Variants in RPS6KA5 observed in about 807,000 individuals in gnomAD.
RPS6KA5 encodes ribosomal protein S6 kinase alpha-5.
Under a neutral mutation model 85.5 loss-of-function variants are expected in RPS6KA5, and 27 were observed. The observed-to-expected ratio is 0.32, with a 90% CI of 0.23 to 0.44. RPS6KA5 has a LOEUF of 0.44. Among genes scored for constraint, RPS6KA5 ranks in the 20% least tolerant of loss-of-function variants. The pLI is 1.00. For missense variants in RPS6KA5, 811 were observed against 980.9 expected (o/e 0.83, Z 2.31); for synonymous variants, 334 against 348.2 (o/e 0.96, Z 0.46).
At chr14:90,954,202 A>G (rs1158851228) in intron 3 of RPS6KA5, among the ~76,000 whole-genome samples, 4 of 152,170 alleles carry the variant, frequency 2.6e-5, no homozygotes, top group African/African-American at 9.7e-5. Context: ...AATATTGGGG[A>G]CAGGTTCCCC....
At chr14:90,910,714 C>A (rs761497011) in intron 7 of RPS6KA5, among the ~76,000 whole-genome samples, 1 of 149,332 alleles carries the variant, frequency 6.7e-6, no homozygotes, top group Non-Finnish European at 1.5e-5. Flanking sequence ...GAGACAGAGT[C>A]TGGCTCTGTC....
chr14:90,953,606 C>A (rs1339839077), intron 3 of RPS6KA5, among the ~76,000 whole-genome samples: 2 of 152,132 alleles, frequency 1.3e-5, no homozygotes, highest in African/African-American at 4.8e-5. Context: ...CAAGTAGGGA[C>A]AATATCGCTA....
chr14:91,018,299 A>C (rs2041592075), intron 1 of RPS6KA5, among the ~76,000 whole-genome samples: 1 of 152,210 alleles, frequency 6.6e-6, no homozygotes, highest in African/African-American at 2.4e-5. Context: ...TGTACTAATC[A>C]AGTCTTTGTT....
At chr14:90,918,608 G>A (rs576085183) in intron 7 of RPS6KA5, among the ~76,000 whole-genome samples, 23 of 152,316 alleles carry the variant, frequency 1.5e-4, no homozygotes, top group African/African-American at 5.1e-4. Context: ...GCTCACAACG[G>A]TCTTCCTTTA....
At chr14:90,905,562 T>C (rs1279098602) in intron 8 of RPS6KA5, among the ~76,000 whole-genome samples, 2 of 152,210 alleles carry the variant, frequency 1.3e-5, no homozygotes, top group Admixed American at 1.3e-4. Context: ...TGAGCAGATA[T>C]AGTTGGTCCT....
At chr14:90,954,229 T>C (rs527580033) in intron 3 of RPS6KA5, among the ~76,000 whole-genome samples, 4 of 152,360 alleles carry the variant, frequency 2.6e-5, no homozygotes, top group Admixed American at 1.3e-4. Flanking sequence ...TCTTGTGATG[T>C]TTTTATCTGC....
rs971908323 is a variant in RPS6KA5 at position 91,016,880 on chromosome 14, A to C, written c.104-15721T>G. ...CTCTAAACAGGCAAAAAAAAAAAAA[A>C]AAAACTGAAGGTATTTGTATTCTCC... On this transcript the variant is annotated intron_variant, in intron 1 of 16. Transcript: ENST00000614987. Among the ~76,000 whole-genome samples the C allele has an allele frequency of 5.8e-4, 88 of 152,228 alleles. 1 individual carries two copies. The highest frequency in any genetic ancestry group is 3.5e-3 in the East Asian group (18 of 5,190).
intron 1 of RPS6KA5, among the ~76,000 whole-genome samples, chr14:91,031,640 T>TA (rs1236572151): frequency 6.6e-6 from 1 of 152,026 alleles, no homozygotes; most frequent in Non-Finnish European, 1.5e-5. Flanking sequence ...TAGAAACACT[T>TA]AGAGACTCAA....
At chr14:90,872,737 G>A (rs546434942) in intron 16 of RPS6KA5, among the ~76,000 whole-genome samples, 38 of 152,238 alleles carry the variant, frequency 2.5e-4, no homozygotes, top group African/African-American at 8.4e-4. Context: ...CGCATTCTGA[G>A]TCTTTGCTCT....
At position 90,857,662 on chromosome 14, in the gene RPS6KA5, T is replaced by C. The variant is rs2032350763; in HGVS notation, c.*14412A>G. On this transcript the variant is annotated 3_prime_UTR_variant, in exon 17 of 17. Coordinates refer to ENST00000614987, the MANE Select transcript of RPS6KA5 (RefSeq NM_004755.4). ...CTGCATTAAGCTCTACAGAGTTTTTTCAAAAGGCTAAAAATATTTATATAA... is the reference window on the plus strand; with the variant it reads ...CTGCATTAAGCTCTACAGAGTTTTTCCAAAAGGCTAAAAATATTTATATAA... 1 of 152,202 alleles carries C rather than the reference T, an allele frequency of 6.6e-6. No homozygotes were observed. Among genetic ancestry groups the C allele is most frequent in the Admixed American group, 6.5e-5 (1 of 15,288 alleles). 9.4% of individuals were successfully genotyped at this position (152,202 alleles called of 1,614,324 possible).
chr14:90,890,682 C>T lies in RPS6KA5; in HGVS notation c.1645-4G>A, dbSNP rs1487496535. ...TTTCATCGGTGAACAATAAATTCTGCAAGATATCAATGCTTACATTAGTTT... is the reference window on the plus strand; with the variant it reads ...TTTCATCGGTGAACAATAAATTCTGTAAGATATCAATGCTTACATTAGTTT... On this transcript the variant is annotated splice_region_variant and splice_polypyrimidine_tract_variant and intron_variant, in intron 13 of 16. Transcript: ENST00000614987. 6 of 1,609,710 alleles carry T rather than the reference C, an allele frequency of 3.7e-6. No individual in the cohort carries two copies. The highest frequency in any genetic ancestry group is 5.1e-6 in the Non-Finnish European group (6 of 1,176,830).
intron 1 of RPS6KA5, among the ~76,000 whole-genome samples, chr14:91,036,258 C>G (rs996990788): frequency 1.3e-5 from 2 of 152,178 alleles, no homozygotes; most frequent in African/African-American, 4.8e-5. Context: ...GAAAGACAAG[C>G]TAACTAAGGC....
At chr14:90,879,804 T>C (rs542431995) in intron 14 of RPS6KA5, among the ~76,000 whole-genome samples, 5 of 146,118 alleles carry the variant, frequency 3.4e-5, no homozygotes, top group African/African-American at 1.0e-4. Flanking sequence ...TTTTTTTGAG[T>C]TGGAGTCTCG....
chr14:90,878,722 C>T (rs752433234), intron 14 of RPS6KA5, among the ~76,000 whole-genome samples: 1 of 152,214 alleles, frequency 6.6e-6, no homozygotes, highest in Non-Finnish European at 1.5e-5. Context: ...AGACAACCTA[C>T]TGTACCTTGC....
At chr14:91,002,654 T>C (rs138361736) in intron 1 of RPS6KA5, among the ~76,000 whole-genome samples, 17 of 152,286 alleles carry the variant, frequency 1.1e-4, no homozygotes, top group African/African-American at 3.4e-4. Context: ...TTTTTAAAAA[T>C]TGTGGTCAAA....
At chr14:90,994,922 T>C (rs541828077) in intron 2 of RPS6KA5, among the ~76,000 whole-genome samples, 30 of 152,290 alleles carry the variant, frequency 2.0e-4, no homozygotes, top group Admixed American at 1.8e-3. Context: ...CTTTCTTTGC[T>C]ATTTCCTTAA....
intron 1 of RPS6KA5, among the ~76,000 whole-genome samples, chr14:91,026,026 C>A (rs1355195804): frequency 6.6e-6 from 1 of 152,020 alleles, no homozygotes. Flanking sequence ...TCTATTGTTC[C>A]CACCTTTATG....
intron 16 of RPS6KA5, 122 bp from the exon 17 acceptor site, chr14:90,872,444 G>T: frequency 7.9e-7 from 1 of 1,266,128 alleles, no homozygotes; most frequent in Non-Finnish European, 1.1e-6. Context: ...TGTTTTAAGG[G>T]AACAAAGCTC....
At chr14:91,049,315 G>GA (rs2042979268) in intron 1 of RPS6KA5, among the ~76,000 whole-genome samples, 1 of 152,026 alleles carries the variant, frequency 6.6e-6, no homozygotes, top group African/African-American at 2.4e-5. Flanking sequence ...AGGAAAATGT[G>GA]AAAAAAAGAG....
Sources: allele counts gnomAD v4.1 joint callset (sites outside exome capture counted in the v4.1 genomes callset), GRCh38; gene constraint gnomAD v4.1.1; transcripts MANE v1.5; gene names NCBI Gene and HGNC (gene_info 2026-07-23, HGNC 2026-07-21).